Variants in LRP1B observed in about 807,000 individuals in gnomAD.
The protein encoded by LRP1B is low-density lipoprotein receptor-related protein 1B.
Under a neutral mutation model 556.6 loss-of-function variants are expected in LRP1B, and 217 were observed. The ratio of observed to expected loss-of-function variants is 0.39; its 90% confidence interval spans 0.35 to 0.44. The LOEUF is 0.44. Among genes scored for constraint, LRP1B ranks in the 20% least tolerant of loss-of-function variants. LRP1B has a pLI of 1.00. For missense variants in LRP1B, 5,053 were observed against 5,620.8 expected, an observed-to-expected ratio of 0.90 and a Z score of 3.23; for synonymous variants, 2,047 against 1,865.8, an observed-to-expected ratio of 1.10 and a Z score of -2.50.
chr2:141,413,324 C>T (rs144363437), intron 3 of LRP1B, among the ~76,000 whole-genome samples: 1 of 152,182 alleles, frequency 6.6e-6, no homozygotes, highest in East Asian at 1.9e-4. Flanking sequence ...CATTACCTAG[C>T]TGTGGTCAGA....
intron 18 of LRP1B, among the ~76,000 whole-genome samples, chr2:140,979,574 G>C (rs1696704047): frequency 6.6e-6 from 1 of 152,016 alleles, no homozygotes; most frequent in African/African-American, 2.4e-5. Flanking sequence ...GCCAGGGTGG[G>C]AGTATTTACA....
intron 84 of LRP1B, among the ~76,000 whole-genome samples, chr2:140,278,652 T>C (rs1053521509): frequency 6.6e-6 from 1 of 152,036 alleles, no homozygotes; most frequent in Non-Finnish European, 1.5e-5. Context: ...TTGCTTATGA[T>C]AAAATTGGGA....
chr2:141,324,587 G>C (rs1687368833), intron 3 of LRP1B, among the ~76,000 whole-genome samples: 1 of 152,024 alleles, frequency 6.6e-6, no homozygotes, highest in Non-Finnish European at 1.5e-5. Context: ...TTAGGGTATT[G>C]TTTGTGCTCC....
intron 1 of LRP1B, among the ~76,000 whole-genome samples, chr2:141,903,395 C>T (rs1160291964): frequency 6.6e-6 from 1 of 151,886 alleles, no homozygotes; most frequent in Non-Finnish European, 1.5e-5. Flanking sequence ...CTAGAGCTTT[C>T]ACTCCATCTC....
At chr2:140,616,391 G>A (rs546090393) in intron 41 of LRP1B, among the ~76,000 whole-genome samples, 3 of 151,314 alleles carry the variant, frequency 2.0e-5, no homozygotes, top group South Asian at 2.1e-4. Flanking sequence ...AATTTAAATC[G>A]TCTCCTTATT....
intron 41 of LRP1B, among the ~76,000 whole-genome samples, chr2:140,667,932 A>T (rs1685336982): frequency 6.6e-6 from 1 of 152,218 alleles, no homozygotes; most frequent in Admixed American, 6.5e-5. Flanking sequence ...AGTGTTTCAT[A>T]ACCAGTAGAA....
At chr2:141,152,899 T>C (rs1701959570) in intron 7 of LRP1B, among the ~76,000 whole-genome samples, 1 of 151,418 alleles carries the variant, frequency 6.6e-6, no homozygotes, top group Admixed American at 6.6e-5. Context: ...CTTGTCATAT[T>C]AAAATTTAAT....
chr2:142,102,310 G>GAC (rs545948639), intron 1 of LRP1B, among the ~76,000 whole-genome samples: 3 of 150,984 alleles, frequency 2.0e-5, no homozygotes, highest in African/African-American at 4.9e-5. Context: ...AAATGACACA[G>GAC]ACACACACAC....
intron 1 of LRP1B, among the ~76,000 whole-genome samples, chr2:142,106,526 T>G (rs1216443419): frequency 6.6e-6 from 1 of 152,176 alleles, no homozygotes; most frequent in Non-Finnish European, 1.5e-5. Flanking sequence ...AACCTAAATC[T>G]TTGGCTTCAG....
intron 3 of LRP1B, among the ~76,000 whole-genome samples, chr2:141,465,808 A>G (rs916974185): frequency 3.3e-5 from 5 of 151,934 alleles, no homozygotes; most frequent in African/African-American, 1.2e-4. Flanking sequence ...AGCCTCCCAA[A>G]GTGCTGGGAT....
intron 2 of LRP1B, among the ~76,000 whole-genome samples, chr2:141,634,511 A>G (rs1035601156): frequency 2.0e-5 from 3 of 151,984 alleles, no homozygotes; most frequent in Non-Finnish European, 2.9e-5. Flanking sequence ...GCCTGTGGCA[A>G]TAGGCACTAA....
chr2:141,955,447 T>C (rs1453272473), intron 1 of LRP1B, among the ~76,000 whole-genome samples: 1 of 152,126 alleles, frequency 6.6e-6, no homozygotes, highest in East Asian at 1.9e-4. Context: ...TTCTGTATTT[T>C]TGTCATTATT....
chr2:140,436,608 CTTT>C (rs56972100), intron 66 of LRP1B, among the ~76,000 whole-genome samples: 58 of 139,278 alleles, frequency 4.2e-4, no homozygotes, highest in African/African-American at 9.9e-4. Flanking sequence ...TGCTCACTGT[CTTT>C]TTTTTTTTTT....
intron 35 of LRP1B, among the ~76,000 whole-genome samples, chr2:140,757,383 G>A (rs1024270092): frequency 6.6e-6 from 1 of 152,078 alleles, no homozygotes; most frequent in Admixed American, 6.6e-5. Flanking sequence ...TCAACAAAGT[G>A]GAAATAACTC....
intron 77 of LRP1B, among the ~76,000 whole-genome samples, chr2:140,345,716 GTA>G (rs909467237): frequency 2.6e-4 from 36 of 137,414 alleles, no homozygotes; most frequent in East Asian, 2.3e-3. Context: ...ACTCATATAT[GTA>G]TATATATACA....
At chr2:141,082,704 T>C (rs1269911759) in intron 7 of LRP1B, among the ~76,000 whole-genome samples, 3 of 152,174 alleles carry the variant, frequency 2.0e-5, no homozygotes, top group South Asian at 2.1e-4. Context: ...GGGTAGAATA[T>C]AGGGTATTAC....
rs530068227 is a variant in LRP1B at position 140,303,333 on chromosome 2, C to T, written c.12806-5364G>A. 1.2e-3 allele frequency among the ~76,000 whole-genome samples: 178 copies of T among 151,990 alleles called. No individual in the cohort carries two copies. In the Middle Eastern group the frequency reaches 0.041, roughly 35 times the overall value. ...CACAGTCTTGGCTCACTGCAACCTCCGCCTCCCGGGTTCACGCAATTCTGC... is the reference window on the plus strand; with the variant it reads ...CACAGTCTTGGCTCACTGCAACCTCTGCCTCCCGGGTTCACGCAATTCTGC... On this transcript the variant is annotated intron_variant, in intron 83 of 90. Transcript: ENST00000389484.
chr2:140,298,286 A>G (rs13411472), intron 83 of LRP1B, among the ~76,000 whole-genome samples: 2,581 of 146,752 alleles, frequency 0.018, 75 homozygotes, highest in African/African-American at 0.06. Flanking sequence ...TCTCATATCA[A>G]TTTGGCCCTT....
intron 41 of LRP1B, among the ~76,000 whole-genome samples, chr2:140,649,662 C>A (rs1226605602): frequency 1.3e-5 from 2 of 152,178 alleles, no homozygotes; most frequent in African/African-American, 4.8e-5. Context: ...TAGCTTTAAA[C>A]CACATAGTTT....
Sources: gnomAD v4.1 joint callset for allele counts (sites outside exome capture counted in the v4.1 genomes callset) on GRCh38, gnomAD v4.1.1 for gene constraint, MANE v1.5 for transcripts, NCBI Gene and HGNC (gene_info 2026-07-23, HGNC 2026-07-21) for gene names.